Variants in VAV1 observed in about 807,000 individuals in gnomAD.
VAV1 encodes vav guanine nucleotide exchange factor 1.
A neutral mutation model predicts 128.1 loss-of-function variants in VAV1; 33 were observed. The observed-to-expected ratio is 0.26, with a 90% CI of 0.20 to 0.34. The LOEUF is 0.34. Among genes scored for constraint, VAV1 ranks in the 10% least tolerant of loss-of-function variants. The pLI is 1.00. For synonymous variants in VAV1, 394 were observed against 409.8 expected, an observed-to-expected ratio of 0.96 and a Z score of 0.47; for missense variants, 715 against 1,093.7, an observed-to-expected ratio of 0.65 and a Z score of 4.88.
chr19:6,783,546 T>C (rs1970815310), intron 1 of VAV1, among the ~76,000 whole-genome samples: 1 of 150,662 alleles, frequency 6.6e-6, no homozygotes, highest in South Asian at 2.1e-4. Context: ...GCGATCTCTG[T>C]TCAGTGCATC....
intron 1 of VAV1, among the ~76,000 whole-genome samples, chr19:6,813,832 T>C (rs1971563486): frequency 6.6e-6 from 1 of 151,236 alleles, no homozygotes; most frequent in Admixed American, 6.6e-5. Context: ...GGTGGGAGAG[T>C]CACTTGAGGC....
In VAV1 at chr19:6,821,869, C is replaced by T. The variant is rs760145903; in HGVS notation, c.449+10C>T. ...TGTCCGACCAGATCGAGTGAGTGCT[C>T]AGGCCTGTGGCCGCACAGCTCACTG... is the stretch of plus-strand genomic sequence containing the variant. On this transcript the variant is annotated intron_variant, in intron 4 of 26. Coordinates refer to ENST00000602142, the MANE Select transcript of VAV1 (RefSeq NM_005428.4). 1.2e-6 allele frequency: 2 copies of T among 1,614,092 alleles called. No homozygotes were observed.
At chr19:6,779,792 G>A (rs1329868619) in intron 1 of VAV1, among the ~76,000 whole-genome samples, 2 of 149,224 alleles carry the variant, frequency 1.3e-5, no homozygotes, top group East Asian at 2.0e-4. Flanking sequence ...GTGAGCCACC[G>A]TGCCTGGCCC....
chr19:6,775,813 C>T (rs913426023), intron 1 of VAV1, among the ~76,000 whole-genome samples: 20 of 152,104 alleles, frequency 1.3e-4, no homozygotes, highest in African/African-American at 4.8e-4. Flanking sequence ...GCTGTGAATG[C>T]CCCATGGGAT....
intron 1 of VAV1, among the ~76,000 whole-genome samples, chr19:6,819,347 T>G (rs1363736931): frequency 1.3e-5 from 2 of 152,256 alleles, no homozygotes; most frequent in Non-Finnish European, 2.9e-5. Context: ...TGATGTGCTG[T>G]TTCATATCAC....
At position 6,833,091 on chromosome 19, in the gene VAV1, G is replaced by A. The variant is rs79567789; in HGVS notation, c.1509-93G>A. ...CAATGAATGAGTGGACACGCAAAAC[G>A]TGGTCTGTTCATACCATGGAATAGT... On this transcript the variant is annotated intron_variant, in intron 15 of 26. Transcript: ENST00000602142. The A allele has an allele frequency of 1.1e-3, 1,232 of 1,103,272 alleles. 8 individuals carry two copies. The highest frequency in any genetic ancestry group is 9.1e-3 in the African/African-American group (566 of 62,468). The allele number at this position is 1,103,272 out of a possible 1,614,324, so 68.3% of individuals were successfully genotyped here. A position where few individuals can be genotyped will look rare whatever the true frequency, so the allele number is the denominator to read the frequency against.
Position 6,820,875 on chromosome 19 carries a change from T to A in VAV1, c.321+57T>A. ...GTTTCAGTTAATTTCTATTGACGTC[T>A]ACACTGGGCAAGCTAAGGACTGTCA... On this transcript the variant is annotated intron_variant, in intron 2 of 26. Coordinates refer to ENST00000602142, the MANE Select transcript of VAV1 (RefSeq NM_005428.4). This position sits in a 1 kb window ranked among gnomAD's most constrained non-coding sequence, Gnocchi z 4.4. 1 of 1,525,514 alleles carries A rather than the reference T, an allele frequency of 6.6e-7. No individual in the cohort carries two copies. Among genetic ancestry groups the A allele is most frequent in the East Asian group, 2.3e-5 (1 of 44,306 alleles). The allele number at this position is 1,525,514 out of a possible 1,614,324, so 94.5% of individuals were successfully genotyped here. A position where few individuals can be genotyped will look rare whatever the true frequency, so the allele number is the denominator to read the frequency against.
chr19:6,828,802 G>A lies in VAV1; in HGVS notation c.1180-13G>A. ...TTGGGAGACCCTTGCTAGACCCCCT[G>A]CCTACTGCATAGGACCAGTCTCTGG... On this transcript the variant is annotated splice_polypyrimidine_tract_variant and intron_variant, in intron 12 of 26. Transcript: ENST00000602142. The surrounding 1 kb of genome is among the most constrained non-coding windows in gnomAD (Gnocchi z 4.5). 1.2e-6 allele frequency: 2 copies of A among 1,614,166 alleles called. No individual in the cohort carries two copies. The highest frequency in any genetic ancestry group is 1.7e-6 in the Non-Finnish European group (2 of 1,180,030).
chr19:6,780,941 C>T (rs1970756522), intron 1 of VAV1, among the ~76,000 whole-genome samples: 1 of 150,866 alleles, frequency 6.6e-6, no homozygotes, highest in East Asian at 1.9e-4. Context: ...CAGAGTCTCA[C>T]TCTGTCACCC....
At chr19:6,793,841 T>C (rs1971070190) in intron 1 of VAV1, among the ~76,000 whole-genome samples, 1 of 152,166 alleles carries the variant, frequency 6.6e-6, no homozygotes, top group Non-Finnish European at 1.5e-5. Flanking sequence ...GAGATAAAAC[T>C]AGTCCCTACC....
At chr19:6,813,477 T>C (rs941017553) in intron 1 of VAV1, among the ~76,000 whole-genome samples, 6 of 152,212 alleles carry the variant, frequency 3.9e-5, no homozygotes, top group Admixed American at 1.3e-4. Flanking sequence ...TCTTAACTTA[T>C]GTATGAATAC....
chr19:6,814,659 C>CTTTCTTTCTTT, intron 1 of VAV1, among the ~76,000 whole-genome samples: 19 of 35,460 alleles, frequency 5.4e-4, no homozygotes, highest in South Asian at 4.9e-3. Context: ...TTCCTTCCTT[C>CTTTCTTTCTTT]CTTCCTTCCT....
At chr19:6,844,048 T>TTTCTTC (rs750290415) in intron 22 of VAV1, among the ~76,000 whole-genome samples, 6 of 144,310 alleles carry the variant, frequency 4.2e-5, no homozygotes, top group Admixed American at 1.4e-4. Context: ...ACTTTCTTCT[T>TTTCTTC]TTCTTCTTCT....
At chr19:6,794,855 G>T (rs1002639722) in intron 1 of VAV1, among the ~76,000 whole-genome samples, 1 of 152,152 alleles carries the variant, frequency 6.6e-6, no homozygotes, top group African/African-American at 2.4e-5. Flanking sequence ...TGGTGCCTCA[G>T]CTCCATGGTG....
At chr19:6,784,755 A>G (rs972343243) in intron 1 of VAV1, among the ~76,000 whole-genome samples, 2 of 151,944 alleles carry the variant, frequency 1.3e-5, no homozygotes, top group African/African-American at 2.4e-5. Flanking sequence ...CGGCCTCCCA[A>G]AGTGCTGGGA....
intron 9 of VAV1, 140 bp from the exon 10 acceptor site, chr19:6,827,936 T>C: frequency 3.0e-6 from 2 of 664,826 alleles, no homozygotes; most frequent in South Asian, 1.8e-5. Flanking sequence ...GCAGATATGA[T>C]GCTTTGGCCT....
intron 15 of VAV1, among the ~76,000 whole-genome samples, chr19:6,832,590 C>A (rs560753084): frequency 7.9e-6 from 1 of 126,922 alleles, no homozygotes; most frequent in Non-Finnish European, 1.5e-5. Context: ...CCTCGCCCTC[C>A]TCTTCCTCTT....
chr19:6,796,465 G>A (rs1168208028), intron 1 of VAV1, among the ~76,000 whole-genome samples: 1 of 151,936 alleles, frequency 6.6e-6, no homozygotes, highest in Non-Finnish European at 1.5e-5. Flanking sequence ...CTCTGCTCCA[G>A]GCACACAGAT....
intron 21 of VAV1, among the ~76,000 whole-genome samples, chr19:6,840,319 T>G (rs915254217): frequency 2.0e-5 from 3 of 150,866 alleles, no homozygotes; most frequent in Non-Finnish European, 4.4e-5. Flanking sequence ...TTTTTTTTTT[T>G]TGGTGAAATG....
Sources: gnomAD v4.1 joint callset for allele counts (sites outside exome capture counted in the v4.1 genomes callset) on GRCh38, gnomAD v4.1.1 for gene constraint, Gnocchi (gnomAD v3.1) non-coding constraint, MANE v1.5 for transcripts, NCBI Gene and HGNC (gene_info 2026-07-23, HGNC 2026-07-21) for gene names.